The following MEIS2 variants were observed in gnomAD, a reference collection of about 807,000 sequenced individuals.
MEIS2 encodes the protein Meis homeobox 2.
In MEIS2, 9 loss-of-function variants were observed where a neutral mutation model predicts 58.6. The observed-to-expected ratio is 0.15, with a 90% CI of 0.09 to 0.27. The LOEUF is 0.27. MEIS2 is among the 10% of genes least tolerant of loss of function. The probability of loss-of-function intolerance (pLI) is 1.00; values close to 1 mark genes in which losing one functional copy is unlikely to be tolerated. For synonymous variants in MEIS2, 221 were observed against 228.4 expected, an observed-to-expected ratio of 0.97 and a Z score of 0.29; for missense variants, 427 against 635.0, an observed-to-expected ratio of 0.67 and a Z score of 3.52.
intron 8 of MEIS2, among the ~76,000 whole-genome samples, chr15:36,982,140 C>CTA (rs930115540): frequency 1.3e-5 from 2 of 151,998 alleles, no homozygotes; most frequent in South Asian, 2.1e-4. Context: ...AAATTTCCTC[C>CTA]TATATATATA....
chr15:36,999,232 A>G (rs1307490140), intron 8 of MEIS2, among the ~76,000 whole-genome samples: 1 of 152,150 alleles, frequency 6.6e-6, no homozygotes, highest in Non-Finnish European at 1.5e-5. Context: ...TATTTAATAT[A>G]TAGAGTGTCT....
intron 8 of MEIS2, among the ~76,000 whole-genome samples, chr15:36,969,959 A>C (rs1173978421): frequency 6.6e-6 from 1 of 152,190 alleles, no homozygotes; most frequent in East Asian, 1.9e-4. Flanking sequence ...CCTTGTCTTC[A>C]AATATTTAAT....
intron 8 of MEIS2, among the ~76,000 whole-genome samples, chr15:37,020,654 A>G (rs111512060): frequency 5.1e-4 from 76 of 148,710 alleles, no homozygotes; most frequent in African/African-American, 1.6e-3. Context: ...TCCTAATGGC[A>G]TTACTCTTGG....
intron 7 of MEIS2, among the ~76,000 whole-genome samples, chr15:37,064,296 C>T (rs181197498): frequency 3.3e-5 from 5 of 152,146 alleles, no homozygotes; most frequent in Admixed American, 2.6e-4. Context: ...AATGCAGATA[C>T]TACGTTAGTA....
chr15:37,085,837 T>C (rs1054455253), intron 6 of MEIS2, among the ~76,000 whole-genome samples: 2 of 152,116 alleles, frequency 1.3e-5, no homozygotes, highest in Admixed American at 6.6e-5. Context: ...TCCAATAGTT[T>C]CAAGCAAAAG....
chr15:37,097,261 G>A (rs545728398), intron 2 of MEIS2: 12 of 152,304 alleles, frequency 7.9e-5, no homozygotes, highest in Middle Eastern at 3.4e-3. Flanking sequence ...CCGTCGCTTT[G>A]CCCACCTACC....
chr15:36,904,635 CTT>C (rs1302713747), intron 9 of MEIS2, among the ~76,000 whole-genome samples: 1 of 52,516 alleles, frequency 1.9e-5, no homozygotes, highest in Admixed American at 1.9e-4. Context: ...ATTACATTTT[CTT>C]CTTTTTTTTT....
At chr15:37,018,120 G>A (rs2061410746) in intron 8 of MEIS2, among the ~76,000 whole-genome samples, 1 of 152,104 alleles carries the variant, frequency 6.6e-6, no homozygotes, top group African/African-American at 2.4e-5. Flanking sequence ...AATAACTTGT[G>A]CAAGACAGCT....
At chr15:36,988,233 T>C (rs1047299921) in intron 8 of MEIS2, among the ~76,000 whole-genome samples, 2 of 152,230 alleles carry the variant, frequency 1.3e-5, no homozygotes, top group Admixed American at 1.3e-4. Flanking sequence ...CAAAACATCA[T>C]GTCATATACC....
chr15:37,100,528 G>A lies in MEIS2; in HGVS notation c.-1062C>T, dbSNP rs1381668489. The A allele has an allele frequency of 7.3e-6, 1 of 137,918 alleles. No individual in the cohort carries two copies. Among genetic ancestry groups the A allele is most frequent in the Non-Finnish European group, 1.5e-5 (1 of 64,988 alleles). The allele number at this position is 137,918 out of a possible 1,614,324, so 8.5% of individuals were successfully genotyped here. ...AGCGAGGAGGAGCGCGCCGCGCCGAGCCTCTGATATGCAACGAGTGCGATC... is the reference window on the plus strand; with the variant it reads ...AGCGAGGAGGAGCGCGCCGCGCCGAACCTCTGATATGCAACGAGTGCGATC... On this transcript the variant is annotated 5_prime_UTR_variant, in exon 1 of 12. Coordinates refer to ENST00000561208, the MANE Select transcript of MEIS2 (RefSeq NM_170675.5).
intron 9 of MEIS2, among the ~76,000 whole-genome samples, chr15:36,917,935 T>C (rs1367314685): frequency 1.3e-5 from 2 of 152,250 alleles, no homozygotes; most frequent in African/African-American, 4.8e-5. Context: ...TCAAATGGTC[T>C]TCTGGTTCCC....
At position 36,913,262 on chromosome 15, in the gene MEIS2, G is replaced by C. The variant is rs79811660; in HGVS notation, c.978-16576C>G. ...TGTGATGTTTTCAAGTTAATCCATA[G>C]ATGTGGTTGCAGATTATATTTTTAT... On this transcript the variant is annotated intron_variant, in intron 9 of 11. Transcript: ENST00000561208. Among the ~76,000 whole-genome samples, 130 of 152,332 alleles carry C rather than the reference G, an allele frequency of 8.5e-4. No homozygotes were observed. In the East Asian group the frequency reaches 0.023, roughly 27 times the overall value.
intron 8 of MEIS2, among the ~76,000 whole-genome samples, chr15:37,004,606 C>T (rs532465978): frequency 2.2e-4 from 33 of 152,330 alleles, no homozygotes; most frequent in Admixed American, 5.9e-4. Context: ...TCTTTGTACA[C>T]GTCCACATCT....
chr15:36,956,145 G>A (rs912048880), intron 8 of MEIS2, among the ~76,000 whole-genome samples: 2 of 139,770 alleles, frequency 1.4e-5, no homozygotes, highest in South Asian at 2.3e-4. Context: ...GCAGTGAGCC[G>A]AGCGACTCAG....
chr15:36,970,403 CAA>C (rs35719378), intron 8 of MEIS2, among the ~76,000 whole-genome samples: 3 of 135,758 alleles, frequency 2.2e-5, no homozygotes, highest in Admixed American at 7.5e-5. Context: ...GACTCCGTCT[CAA>C]AAAAAAAAAA....
At chr15:37,066,903 T>C (rs1452077669) in intron 7 of MEIS2, among the ~76,000 whole-genome samples, 1 of 151,386 alleles carries the variant, frequency 6.6e-6, no homozygotes, top group Non-Finnish European at 1.5e-5. Context: ...CTCAGTCTCC[T>C]GAAGAGCTGG....
chr15:37,001,054 C>T (rs975172686), intron 8 of MEIS2, among the ~76,000 whole-genome samples: 19 of 152,308 alleles, frequency 1.2e-4, no homozygotes, highest in South Asian at 2.1e-4. Context: ...CCTTCTCTGT[C>T]GACCTTGATC....
chr15:37,001,004 G>A (rs576563780), intron 8 of MEIS2, among the ~76,000 whole-genome samples: 2 of 151,924 alleles, frequency 1.3e-5, no homozygotes, highest in East Asian at 3.9e-4. Flanking sequence ...ACTTCCTCAC[G>A]ACCAAATTCA....
At chr15:36,923,796 A>G (rs2057622977) in intron 9 of MEIS2, among the ~76,000 whole-genome samples, 2 of 152,304 alleles carry the variant, frequency 1.3e-5, no homozygotes, top group South Asian at 4.1e-4. Context: ...TCACCTTGAC[A>G]CACTCAAAAG....
Sources: gnomAD v4.1 joint callset for allele counts (sites outside exome capture counted in the v4.1 genomes callset) on GRCh38, gnomAD v4.1.1 for gene constraint, MANE v1.5 for transcripts, NCBI Gene and HGNC (gene_info 2026-07-23, HGNC 2026-07-21) for gene names.